EPHA5: variants seen among roughly 807,000 people sequenced by gnomAD.
The protein encoded by EPHA5 is ephrin type-A receptor 5.
Under a neutral mutation model 105.0 loss-of-function variants are expected in EPHA5, and 60 were observed. That is an observed-to-expected ratio of 0.57 (90% confidence interval 0.46 to 0.71). EPHA5 has a LOEUF of 0.71. Ranked by LOEUF, EPHA5 falls within the 30% of genes least tolerant of loss-of-function variation. EPHA5 has a pLI of 0.00. For synonymous variants in EPHA5, 513 were observed against 449.1 expected (o/e 1.14, Z -1.80); for missense variants, 1,218 against 1,274.7 (o/e 0.96, Z 0.68).
Position 65,601,833 on chromosome 4 carries a change from A to T in EPHA5, c.718T>A (p.Leu240Met), listed in dbSNP as rs1409437377. The T allele has an allele frequency of 1.2e-6, 2 of 1,614,160 alleles. No individual in the cohort carries two copies. Among genetic ancestry groups the T allele is most frequent in the Non-Finnish European group, 8.5e-7 (1 of 1,180,016 alleles). ...YKKCPSVVRH[L>M]AVFPDTITGA... Reference sequence around the variant, plus strand: ...GTGATGGTGTCAGGGAAGACAGCCAAGTGTCGTACCACAGAAGGGCATTTT... The same window carrying T: ...GTGATGGTGTCAGGGAAGACAGCCATGTGTCGTACCACAGAAGGGCATTTT... Residue 240 changes from leucine to methionine, a missense_variant, in exon 3 of 17, where the codon TTG becomes ATG. By Grantham distance (15) the Leu-to-Met change is conservative. Around this residue, in one of 3 missense-constraint regions of EPHA5, gnomAD observed 971 missense variants for 1,013.5 expected, o/e 0.96. Transcript: ENST00000613740.
intron 16 of EPHA5, chr4:65,331,551 C>A (rs11938753): frequency 1.2e-5 from 13 of 1,055,256 alleles, no homozygotes; most frequent in Non-Finnish European, 1.1e-5. Flanking sequence ...TGATATTCAT[C>A]GTAGAGAGCC....
At chr4:65,484,609 C>T (rs879645803) in intron 5 of EPHA5, among the ~76,000 whole-genome samples, 29 of 152,108 alleles carry the variant, frequency 1.9e-4, no homozygotes, top group Non-Finnish European at 2.2e-4. Context: ...TCTGTTTCGG[C>T]CCAGAATTAG....
chr4:65,613,254 T>C (rs13107455), intron 2 of EPHA5, among the ~76,000 whole-genome samples: 46,493 of 151,788 alleles, frequency 0.31, 7,236 homozygotes, highest in Non-Finnish European at 0.33. Flanking sequence ...TATGCCTGTA[T>C]CATGCTGTTT....
At chr4:65,496,713 A>G (rs1057228044) in intron 3 of EPHA5, among the ~76,000 whole-genome samples, 1 of 152,120 alleles carries the variant, frequency 6.6e-6, no homozygotes, top group African/African-American at 2.4e-5. Context: ...TCTTTAGAGA[A>G]GCATGATTTA....
intron 8 of EPHA5, among the ~76,000 whole-genome samples, chr4:65,396,403 G>A (rs188998370): frequency 1.3e-5 from 2 of 152,134 alleles, no homozygotes; most frequent in African/African-American, 2.4e-5. Context: ...AGGACATTAC[G>A]TTACTTTTGA....
At chr4:65,588,723 T>C (rs1344039280) in intron 3 of EPHA5, among the ~76,000 whole-genome samples, 1 of 152,174 alleles carries the variant, frequency 6.6e-6, no homozygotes, top group Non-Finnish European at 1.5e-5. Context: ...TAAATTGAAA[T>C]GAAAATGTGC....
chr4:65,403,713 A>G (rs1271216156), intron 8 of EPHA5, among the ~76,000 whole-genome samples: 1 of 152,018 alleles, frequency 6.6e-6, no homozygotes, highest in Non-Finnish European at 1.5e-5. Flanking sequence ...TATTGTTAAG[A>G]CTTTATCTCT....
At chr4:65,403,578 T>A (rs1722062459) in intron 8 of EPHA5, among the ~76,000 whole-genome samples, 1 of 134,340 alleles carries the variant, frequency 7.4e-6, no homozygotes. Context: ...CAGCATACTC[T>A]TGTTTTATAT....
At chr4:65,594,346 C>A (rs1279128513) in intron 3 of EPHA5, among the ~76,000 whole-genome samples, 4 of 152,080 alleles carry the variant, frequency 2.6e-5, no homozygotes, top group Admixed American at 2.0e-4. Flanking sequence ...AATTCTCCAT[C>A]CATATAACCA....
At chr4:65,654,414 T>G (rs2149534623) in intron 1 of EPHA5, among the ~76,000 whole-genome samples, 1 of 152,034 alleles carries the variant, frequency 6.6e-6, no homozygotes, top group African/African-American at 2.4e-5. Context: ...GGTTCATTCA[T>G]TAAACAAATA....
intron 5 of EPHA5, among the ~76,000 whole-genome samples, chr4:65,481,845 C>G (rs1730394200): frequency 6.6e-6 from 1 of 152,168 alleles, no homozygotes; most frequent in South Asian, 2.1e-4. Flanking sequence ...TGGTAGCTGG[C>G]TTAGGTGCTA....
At chr4:65,539,226 A>G (rs1242598534) in intron 3 of EPHA5, among the ~76,000 whole-genome samples, 3 of 151,626 alleles carry the variant, frequency 2.0e-5, no homozygotes, top group Non-Finnish European at 4.4e-5. Context: ...AGCTGTGGAA[A>G]CTCTGACAAG....
intron 5 of EPHA5, among the ~76,000 whole-genome samples, chr4:65,420,935 A>C (rs76472955): frequency 0.012 from 1,850 of 152,158 alleles, 37 homozygotes; most frequent in African/African-American, 0.042. Flanking sequence ...TAATAGATAC[A>C]TGATTATATT....
intron 8 of EPHA5, among the ~76,000 whole-genome samples, chr4:65,375,447 C>G (rs1016401944): frequency 6.6e-6 from 1 of 151,800 alleles, no homozygotes; most frequent in African/African-American, 2.4e-5. Flanking sequence ...CTTCTATTTT[C>G]CTTCTTTTAT....
At chr4:65,380,614 C>A (rs1719460260) in intron 8 of EPHA5, among the ~76,000 whole-genome samples, 1 of 151,530 alleles carries the variant, frequency 6.6e-6, no homozygotes, top group African/African-American at 2.4e-5. Flanking sequence ...GAGAAAAAAG[C>A]AAGAAGAGTA....
intron 3 of EPHA5, chr4:65,574,352 A>C: frequency 8.9e-7 from 1 of 1,129,306 alleles, no homozygotes; most frequent in Non-Finnish European, 1.2e-6. Flanking sequence ...CTAATTAAAT[A>C]GCTGACTACA....
chr4:65,438,323 T>C (rs1725680109), intron 5 of EPHA5, among the ~76,000 whole-genome samples: 1 of 151,704 alleles, frequency 6.6e-6, no homozygotes, highest in Non-Finnish European at 1.5e-5. Flanking sequence ...GTGAATTCCC[T>C]GTATCAGTTA....
intron 3 of EPHA5, among the ~76,000 whole-genome samples, chr4:65,513,318 T>C (rs1733796829): frequency 6.6e-6 from 1 of 152,166 alleles, no homozygotes; most frequent in Admixed American, 6.6e-5. Flanking sequence ...AAGCTGAAAA[T>C]TATTCCTAAT....
intron 11 of EPHA5, among the ~76,000 whole-genome samples, chr4:65,353,503 TAC>T (rs66462845): frequency 0.31 from 45,346 of 146,112 alleles, 7,038 homozygotes; most frequent in South Asian, 0.46. Flanking sequence ...ATTTAAGATT[TAC>T]ACACACACAC....
Sources: allele counts gnomAD v4.1 joint callset (sites outside exome capture counted in the v4.1 genomes callset), GRCh38; gene constraint gnomAD v4.1.1; regional missense constraint gnomAD v4.1.1; transcripts MANE v1.5; gene names NCBI Gene and HGNC (gene_info 2026-07-23, HGNC 2026-07-21).